TTC39B: variants seen among roughly 807,000 people sequenced by gnomAD.
The protein encoded by TTC39B is tetratricopeptide repeat domain 39B.
In TTC39B, 92 loss-of-function variants were observed where a neutral mutation model predicts 96.6. The ratio of observed to expected loss-of-function variants is 0.95; its 90% CI spans 0.80 to 1.13. The LOEUF (loss-of-function observed/expected upper bound fraction) is 1.13. Ranked by LOEUF, TTC39B falls within the 50% of genes most tolerant of loss-of-function variation. The probability of loss-of-function intolerance (pLI) is 0.00; values close to 1 mark genes in which losing one functional copy is unlikely to be tolerated. For missense variants in TTC39B, 955 were observed against 809.3 expected, an observed-to-expected ratio of 1.18 and a Z score of -2.18; for synonymous variants, 367 against 299.4, an observed-to-expected ratio of 1.23 and a Z score of -2.33.
At chr9:15,200,005 T>C (rs1819440112) in intron 7 of TTC39B, 80 bp from the exon 8 acceptor site, 1 of 735,062 alleles carries the variant, frequency 1.4e-6, no homozygotes, top group Non-Finnish European at 2.2e-6. Context: ...TTTGTGTGAT[T>C]AGAAAAACAA....
chr9:15,304,545 C>T (rs1824695651), intron 1 of TTC39B, among the ~76,000 whole-genome samples: 2 of 152,172 alleles, frequency 1.3e-5, no homozygotes, highest in African/African-American at 4.8e-5. Flanking sequence ...CCCACAGCTA[C>T]CATGGGAGCT....
At chr9:15,167,000 A>T (rs1480252833) in exon 20 of TTC39B, 20 of 4,868 alleles carry the variant, frequency 4.1e-3, no homozygotes, top group African/African-American at 0.02. Flanking sequence ...ATATATATAT[A>T]TATATATATA....
At chr9:15,202,199 T>C (rs974173152) in intron 7 of TTC39B, among the ~76,000 whole-genome samples, 1 of 152,182 alleles carries the variant, frequency 6.6e-6, no homozygotes, top group Non-Finnish European at 1.5e-5. Flanking sequence ...CCAGATTTGA[T>C]TGCCAAATCC....
chr9:15,183,319 G>C (rs943617166), intron 16 of TTC39B: 2 of 427,846 alleles, frequency 4.7e-6, no homozygotes, highest in Admixed American at 2.9e-5. Context: ...AATAGAGCAA[G>C]AGTTCAATTC....
At position 15,257,695 on chromosome 9, in the gene TTC39B, G is replaced by GT. The variant is rs559038647; in HGVS notation, c.275+10218dup. On this transcript the variant is annotated intron_variant, in intron 2 of 19. Transcript: ENST00000512701. ...ACTCCTGGGCTCAAGCAATCCACCC[G>GT]TTTTGGCCTCCCAAAGTGCTGGGAT... is the stretch of plus-strand genomic sequence containing the variant. Among the ~76,000 whole-genome samples the GT allele has an allele frequency of 5.3e-3, 798 of 151,528 alleles. 5 individuals are homozygous for GT. The highest frequency in any genetic ancestry group is 0.018 in the African/African-American group (740 of 41,476).
chr9:15,218,923 C>T (rs915641280), intron 3 of TTC39B, among the ~76,000 whole-genome samples: 1 of 151,998 alleles, frequency 6.6e-6, no homozygotes, highest in South Asian at 2.1e-4. Flanking sequence ...TATTACTTTT[C>T]TGGAGGTTTT....
intron 4 of TTC39B, among the ~76,000 whole-genome samples, chr9:15,213,399 A>G (rs76453120): frequency 0.019 from 2,838 of 152,322 alleles, 81 homozygotes; most frequent in African/African-American, 0.064. Flanking sequence ...GATTACAGCT[A>G]TTCTAAATCT....
At chr9:15,262,664 C>T (rs1023961428) in intron 2 of TTC39B, among the ~76,000 whole-genome samples, 9 of 152,020 alleles carry the variant, frequency 5.9e-5, no homozygotes, top group African/African-American at 2.2e-4. Flanking sequence ...GTGGTAAATT[C>T]ATTAGGCAGA....
intron 18 of TTC39B, among the ~76,000 whole-genome samples, chr9:15,175,844 C>T (rs968542118): frequency 2.8e-4 from 43 of 152,268 alleles, no homozygotes; most frequent in African/African-American, 1.0e-3. Flanking sequence ...CCACAGAAAG[C>T]AGGGAGCTGA....
intron 1 of TTC39B, among the ~76,000 whole-genome samples, chr9:15,298,632 G>T (rs929077566): frequency 1.3e-5 from 2 of 152,040 alleles, no homozygotes; most frequent in Non-Finnish European, 2.9e-5. Flanking sequence ...CCTCCTACTG[G>T]GTCCCACCCA....
At chr9:15,259,278 A>T (rs937812910) in intron 2 of TTC39B, among the ~76,000 whole-genome samples, 1 of 152,228 alleles carries the variant, frequency 6.6e-6, no homozygotes, top group East Asian at 1.9e-4. Context: ...GCTTCTGCCA[A>T]TTACCTGAGG....
At chr9:15,212,769 C>T (rs1174438460) in intron 4 of TTC39B, among the ~76,000 whole-genome samples, 1 of 152,198 alleles carries the variant, frequency 6.6e-6, no homozygotes, top group Middle Eastern at 3.2e-3. Context: ...GAACACAACA[C>T]TAAATCACCT....
intron 1 of TTC39B, among the ~76,000 whole-genome samples, chr9:15,291,836 G>A (rs7023154): frequency 6.6e-6 from 1 of 152,008 alleles, no homozygotes; most frequent in Non-Finnish European, 1.5e-5. Flanking sequence ...AAAGAGGAAA[G>A]AACATGGGCA....
At chr9:15,268,119 C>A (rs1823206066) in intron 1 of TTC39B, among the ~76,000 whole-genome samples, 171 bp from the exon 2 acceptor site, 1 of 151,900 alleles carries the variant, frequency 6.6e-6, no homozygotes, top group Admixed American at 6.6e-5. Context: ...TTACAGAAAT[C>A]AAGCAGATGC....
chr9:15,172,136 C>T (rs1245051158), intron 19 of TTC39B, 27 bp from the exon 20 acceptor site: 1 of 1,572,382 alleles, frequency 6.4e-7, no homozygotes, highest in South Asian at 1.1e-5. Flanking sequence ...TAAAATTGTA[C>T]AGTCAAAATT....
At chr9:15,199,310 T>A (rs1019433768) in intron 8 of TTC39B, among the ~76,000 whole-genome samples, 5 of 152,228 alleles carry the variant, frequency 3.3e-5, no homozygotes, top group African/African-American at 1.2e-4. Context: ...AATTATCTAA[T>A]CAGAAATTAT....
intron 8 of TTC39B, 39 bp downstream of exon 8, chr9:15,199,822 C>T: frequency 9.1e-7 from 1 of 1,094,462 alleles, no homozygotes; most frequent in East Asian, 3.6e-5. Flanking sequence ...GTACACAGCA[C>T]AAAATTATTT....
intron 2 of TTC39B, among the ~76,000 whole-genome samples, chr9:15,251,939 GAT>G (rs564124160): frequency 8.6e-5 from 13 of 151,978 alleles, no homozygotes; most frequent in Admixed American, 2.0e-4. Flanking sequence ...AGGCACAGGG[GAT>G]ATAGCAGGGA....
chr9:15,227,475 G>T (rs1296354223), intron 2 of TTC39B, among the ~76,000 whole-genome samples: 1 of 152,128 alleles, frequency 6.6e-6, no homozygotes, highest in African/African-American at 2.4e-5. Flanking sequence ...TCACATAGGG[G>T]AAAACTGAAG....
Sources: gnomAD v4.1 joint callset for allele counts (sites outside exome capture counted in the v4.1 genomes callset) on GRCh38, gnomAD v4.1.1 for gene constraint, MANE v1.5 for transcripts, NCBI Gene and HGNC (gene_info 2026-07-23, HGNC 2026-07-21) for gene names.